GUCA1A: variants seen among roughly 807,000 people sequenced by gnomAD.
The protein encoded by GUCA1A is guanylyl cyclase-activating protein 1.
A neutral mutation model predicts 18.5 loss-of-function variants in GUCA1A; 14 were observed. That is an observed-to-expected ratio of 0.76 (90% CI 0.50 to 1.18). GUCA1A has a LOEUF of 1.18. GUCA1A is among the 50% of genes most tolerant of loss of function. The pLI is 0.00. For synonymous variants in GUCA1A, 97 were observed against 100.2 expected (o/e 0.97, Z 0.19); for missense variants, 264 against 262.4 (o/e 1.01, Z -0.04).
Position 42,178,891 on chromosome 6 carries a change from G to A in GUCA1A, c.441G>A (p.Gly147=), listed in dbSNP as rs1045412166. 1.2e-6 allele frequency: 2 copies of A among 1,610,424 alleles called. No homozygotes were observed. Among genetic ancestry groups the A allele is most frequent in the Non-Finnish European group, 1.7e-6 (2 of 1,176,624 alleles). Residue 147 remains glycine, a synonymous_variant, in exon 3 of 4, where the codon GGG becomes GGA. Coordinates refer to ENST00000372958, the MANE Select transcript of GUCA1A (RefSeq NM_001384910.1). Reference sequence around the variant, plus strand: ...TGTTCTCCAAGATTGACGTCAACGGGGATGGTGAGGGGGCCGAGGAGGGGC... The same window carrying A: ...TGTTCTCCAAGATTGACGTCAACGGAGATGGTGAGGGGGCCGAGGAGGGGC... ...DTVFSKIDVN[G]DGELSLEEFI...
At position 42,179,372 on chromosome 6, in the gene GUCA1A, G is replaced by A. The variant is rs781564963; in HGVS notation, c.575G>A (p.Gly192Glu). 4.0e-5 allele frequency: 65 copies of A among 1,608,148 alleles called. No homozygotes were observed. Among genetic ancestry groups the A allele is most frequent in the Non-Finnish European group, 5.3e-5 (62 of 1,176,410 alleles). ...RLQNGEQDEE[G>E]ADEAAEAAG ...CAGAATGGCGAGCAAGACGAGGAGGGGGCTGACGAGGCCGCTGAGGCAGCC... is the reference window on the plus strand; with the variant it reads ...CAGAATGGCGAGCAAGACGAGGAGGAGGCTGACGAGGCCGCTGAGGCAGCC... Residue 192 changes from glycine to glutamate, a missense_variant, in exon 4 of 4, where the codon GGG becomes GAG. Gly to Glu is a moderately conservative substitution (Grantham distance 98). Transcript: ENST00000372958.
chr6:42,178,622 AATACC>A lies in GUCA1A; in HGVS notation c.352-178_352-174del, dbSNP rs1244277963. The A allele has an allele frequency of 6.2e-6, 5 of 812,562 alleles. No individual in the cohort carries two copies. The East Asian group carries it at 1.2e-4, about 20-fold the overall frequency. The allele number at this position is 812,562 out of a possible 1,614,324, so 50.3% of individuals were successfully genotyped here. On this transcript the variant is annotated intron_variant, in intron 2 of 3. Transcript: ENST00000372958. Reference sequence around the variant, plus strand: ...CTTCCTTGGCCTCAGTTTCCTCATCAATACCAAAAGACGATAGAAGTTTGACTCTT... The same window carrying A: ...CTTCCTTGGCCTCAGTTTCCTCATCAAAAAGACGATAGAAGTTTGACTCTT...
At chr6:42,177,499 A>G (rs962269825) in intron 1 of GUCA1A, among the ~76,000 whole-genome samples, 12 of 152,078 alleles carry the variant, frequency 7.9e-5, no homozygotes, top group African/African-American at 2.7e-4. Flanking sequence ...GGTGATTTAG[A>G]TCTTTCTGGC....
Position 42,179,379 on chromosome 6 carries a change from C to G in GUCA1A, c.582C>G (p.Asp194Glu). The G allele has an allele frequency of 1.9e-6, 3 of 1,605,526 alleles. No homozygotes were observed. The highest frequency in any genetic ancestry group is 2.6e-6 in the Non-Finnish European group (3 of 1,174,854). The change falls in exon 4 of 4, where the codon GAC becomes GAG. Residue 194 changes from aspartate to glutamate, a missense_variant. Asp to Glu is a conservative substitution (Grantham distance 45). Transcript: ENST00000372958. ...QNGEQDEEGADEAAEAAG is the reference protein window; with the variant it reads ...QNGEQDEEGAEEAAEAAG The stretch of plus-strand genomic sequence containing the variant: ...GCGAGCAAGACGAGGAGGGGGCTGA[C>G]GAGGCCGCTGAGGCAGCCGGCTGAG...
chr6:42,175,595 C>G (rs973819345), intron 1 of GUCA1A, among the ~76,000 whole-genome samples: 3 of 152,030 alleles, frequency 2.0e-5, no homozygotes, highest in African/African-American at 7.2e-5. Context: ...AAACTCTTGA[C>G]CTCAGGTGAT....
rs913269424 is a variant in GUCA1A, at chr6:42,173,689, A to C, written c.76A>C (p.Met26Leu). 4 of 1,613,828 alleles carry C rather than the reference A, an allele frequency of 2.5e-6. No homozygotes were observed. Among genetic ancestry groups the C allele is most frequent in the Admixed American group, 1.7e-5 (1 of 60,030 alleles). The change falls in exon 1 of 4, where the codon ATG (methionine) becomes CTG (leucine). Residue 26 changes from methionine to leucine, a missense_variant. Met to Leu is a conservative substitution (Grantham distance 15). Transcript: ENST00000372958. ...GTGCCACCAGTGGTACAAGAAGTTC[A>C]TGACTGAGTGCCCCTCTGGCCAACT... The part of the protein sequence containing the change: ...TECHQWYKKF[M>L]TECPSGQLTL...
chr6:42,173,576 T>A lies in GUCA1A; in HGVS notation c.-38T>A, dbSNP rs1026528625. Reference sequence around the variant, plus strand: ...TGGGCGAGGAGCAGCGAACAGGGCCTGTCCATCTCAGACGTCAGCCCCCTG... The same window carrying A: ...TGGGCGAGGAGCAGCGAACAGGGCCAGTCCATCTCAGACGTCAGCCCCCTG... On this transcript the variant is annotated 5_prime_UTR_variant, in exon 1 of 4. Transcript: ENST00000372958. The A allele has an allele frequency of 2.6e-6, 4 of 1,546,776 alleles. No individual in the cohort carries two copies. In the South Asian group the frequency reaches 4.5e-5, roughly 17 times the overall value.
At chr6:42,174,461 C>A (rs1318202785) in intron 1 of GUCA1A, among the ~76,000 whole-genome samples, 1 of 152,210 alleles carries the variant, frequency 6.6e-6, no homozygotes, top group African/African-American at 2.4e-5. Flanking sequence ...ATCACCTTTT[C>A]TCAAGTGAGC....
intron 1 of GUCA1A, among the ~76,000 whole-genome samples, chr6:42,176,013 C>A (rs1244815303): frequency 6.6e-6 from 1 of 152,178 alleles, no homozygotes; most frequent in Non-Finnish European, 1.5e-5. Context: ...TCTTCCAATA[C>A]CAGATTTAAA....
intron 2 of GUCA1A, 167 bp downstream of exon 2, chr6:42,178,596 C>G (rs1768025175): frequency 2.5e-6 from 2 of 812,752 alleles, no homozygotes; most frequent in Non-Finnish European, 4.3e-6. Context: ...ACGTTCCTTC[C>G]CTTCCTTGGC....
At position 42,179,547 on chromosome 6, in the gene GUCA1A, G is replaced by T. The variant is rs1221789414; in HGVS notation, c.*144G>T. ...TTAGGGTCCATGGTGGCAGCAGAGA[G>T]GCAGAAGTGGGAGTCCAGAGCCAGG... On this transcript the variant is annotated 3_prime_UTR_variant, in exon 4 of 4. Coordinates refer to ENST00000372958, the MANE Select transcript of GUCA1A (RefSeq NM_001384910.1). 1 of 661,274 alleles carries T rather than the reference G, an allele frequency of 1.5e-6. No individual in the cohort carries two copies. Among genetic ancestry groups the T allele is most frequent in the Non-Finnish European group, 2.5e-6 (1 of 398,680 alleles). The allele number at this position is 661,274 out of a possible 1,614,324, so 41.0% of individuals were successfully genotyped here.
In GUCA1A at chr6:42,179,427, A is replaced by G. The variant is rs758790042; in HGVS notation, c.*24A>G. 3 of 1,546,966 alleles carry G rather than the reference A, an allele frequency of 1.9e-6. No individual in the cohort carries two copies. The highest frequency in any genetic ancestry group is 2.6e-6 in the Non-Finnish European group (3 of 1,142,378). On this transcript the variant is annotated 3_prime_UTR_variant, in exon 4 of 4. Coordinates refer to ENST00000372958, the MANE Select transcript of GUCA1A (RefSeq NM_001384910.1). ...GAGTGCACCGCCCGGCTGCTTCTGC[A>G]CTAGCGGGTGGGGTGGTATGGTGGT...
rs2113837849 is a variant in GUCA1A at position 42,178,429 on chromosome 6, G to A, written c.351G>A (p.Gln117=). The change falls in exon 2 of 4, where the codon CAG becomes CAA. Residue 117 remains glutamine (Q), a splice_region_variant and synonymous_variant. Transcript: ENST00000372958. ...GCGATGAGCTGCTCACCATCATCCAGGTGCAGAGGGCCCGGCCAGGGCTGG... is the reference window on the plus strand; with the variant it reads ...GCGATGAGCTGCTCACCATCATCCAAGTGCAGAGGGCCCGGCCAGGGCTGG... ...IDRDELLTII[Q]AIRAINPCSD... The A allele has an allele frequency of 6.2e-7, 1 of 1,613,622 alleles. No homozygotes were observed. Among genetic ancestry groups the A allele is most frequent in the East Asian group, 2.2e-5 (1 of 44,866 alleles).
In GUCA1A at chr6:42,178,897, T is replaced by C. The variant is rs748292407; in HGVS notation, c.445+2T>C. On this transcript the variant is annotated splice_donor_variant, in intron 3 of 3. Coordinates refer to ENST00000372958, the MANE Select transcript of GUCA1A (RefSeq NM_001384910.1). LOFTEE classifies it high-confidence loss of function. ...CCAAGATTGACGTCAACGGGGATGGTGAGGGGGCCGAGGAGGGGCTCCCCA... is the reference window on the plus strand; with the variant it reads ...CCAAGATTGACGTCAACGGGGATGGCGAGGGGGCCGAGGAGGGGCTCCCCA... The C allele has an allele frequency of 6.2e-7, 1 of 1,608,132 alleles. No homozygotes were observed. The highest frequency in any genetic ancestry group is 8.5e-7 in the Non-Finnish European group (1 of 1,174,718).
intron 1 of GUCA1A, among the ~76,000 whole-genome samples, chr6:42,176,526 T>C (rs1352743484): frequency 5.3e-5 from 8 of 151,998 alleles, no homozygotes; most frequent in Admixed American, 4.6e-4. Context: ...CTCCACCTCC[T>C]GGGTTCAAGT....
Position 42,176,620 on chromosome 6 carries a change from G to T in GUCA1A, c.202-1660G>T, listed in dbSNP as rs528213102. 3.3e-5 allele frequency among the ~76,000 whole-genome samples: 5 copies of T among 152,172 alleles called. No individual in the cohort carries two copies. The East Asian group carries it at 5.8e-4, about 18-fold the overall frequency. On this transcript the variant is annotated intron_variant, in intron 1 of 3. Coordinates refer to ENST00000372958, the MANE Select transcript of GUCA1A (RefSeq NM_001384910.1). The stretch of plus-strand genomic sequence containing the variant: ...GGCTAATTTTTGTATTTTTAGTAGA[G>T]ACAGGTTTTCACCACATTGGCCAGG...
rs769304767 is a variant in GUCA1A at position 42,178,287 on chromosome 6, A to G, written c.209A>G (p.Tyr70Cys). ...FETFDFNKDG[Y>C]IDFMEYVAAL... ...GCCGCGCCCCTCGCCCAGGACGGCT[A>G]CATTGATTTCATGGAGTACGTGGCA... Residue 70 changes from tyrosine to cysteine, a missense_variant, in exon 2 of 4, where the codon TAC becomes TGC. Tyr to Cys is a radical substitution (Grantham distance 194, BLOSUM62 -2). Coordinates refer to ENST00000372958, the MANE Select transcript of GUCA1A (RefSeq NM_001384910.1). The G allele has an allele frequency of 3.1e-6, 5 of 1,613,824 alleles. No homozygotes were observed. The highest frequency in any genetic ancestry group is 4.2e-6 in the Non-Finnish European group (5 of 1,180,016).
At chr6:42,174,368 C>A (rs1767895396) in intron 1 of GUCA1A, among the ~76,000 whole-genome samples, 1 of 152,186 alleles carries the variant, frequency 6.6e-6, no homozygotes, top group Non-Finnish European at 1.5e-5. Context: ...ATTCTGCGGA[C>A]ATGAGGACTG....
At chr6:42,177,718 T>C (rs1767994284) in intron 1 of GUCA1A, among the ~76,000 whole-genome samples, 1 of 152,202 alleles carries the variant, frequency 6.6e-6, no homozygotes, top group African/African-American at 2.4e-5. Context: ...GGGGCCTCTC[T>C]GGGCTCTGTG....
Sources: allele counts gnomAD v4.1 joint callset (sites outside exome capture counted in the v4.1 genomes callset), GRCh38; gene constraint gnomAD v4.1.1; transcripts MANE v1.5; gene names NCBI Gene and HGNC (gene_info 2026-07-23, HGNC 2026-07-21).